Variants in PIP4P2 observed in about 807,000 individuals in gnomAD.
The protein encoded by PIP4P2 is phosphatidylinositol-4,5-bisphosphate 4-phosphatase 2.
Under a neutral mutation model 33.3 loss-of-function variants are expected in PIP4P2, and 19 were observed. The observed-to-expected ratio is 0.57, with a 90% CI of 0.40 to 0.84. The LOEUF is 0.84. PIP4P2 is among the 40% of genes least tolerant of loss of function. PIP4P2 has a pLI of 0.00. For missense variants in PIP4P2, 270 were observed against 324.7 expected (o/e 0.83, Z 1.29); for synonymous variants, 110 against 111.9 (o/e 0.98, Z 0.11).
intron 5 of PIP4P2, among the ~76,000 whole-genome samples, chr8:91,007,134 G>A (rs1055447784): frequency 6.6e-6 from 1 of 152,090 alleles, no homozygotes; most frequent in African/African-American, 2.4e-5. Flanking sequence ...TTTGGAGGGG[G>A]GAGTATAGGT....
At chr8:91,039,819 C>A (rs1183843489) in intron 1 of PIP4P2, among the ~76,000 whole-genome samples, 1 of 151,918 alleles carries the variant, frequency 6.6e-6, no homozygotes, top group African/African-American at 2.4e-5. Flanking sequence ...TTAAATAAAT[C>A]GAATAGTATG....
chr8:91,016,303 A>G (rs1318624106), intron 4 of PIP4P2, among the ~76,000 whole-genome samples: 1 of 152,176 alleles, frequency 6.6e-6, no homozygotes, highest in Non-Finnish European at 1.5e-5. Flanking sequence ...AAACAAAATT[A>G]AAAACCAAAA....
chr8:91,014,958 G>A (rs1811894109), intron 4 of PIP4P2, among the ~76,000 whole-genome samples: 1 of 152,004 alleles, frequency 6.6e-6, no homozygotes, highest in South Asian at 2.1e-4. Flanking sequence ...AGTATTGATT[G>A]CAAATTCTCA....
intron 4 of PIP4P2, among the ~76,000 whole-genome samples, chr8:91,009,258 C>T (rs909173348): frequency 6.6e-6 from 1 of 151,932 alleles, no homozygotes; most frequent in African/African-American, 2.4e-5. Flanking sequence ...ACTAAAAAGT[C>T]GGGAACTGTT....
chr8:91,016,933 A>C lies in PIP4P2; in HGVS notation c.486+1457T>G, dbSNP rs538789924. ...GAGGGGGCAATTATTTGTAAGTCCA[A>C]GAAAATGTTAAAATGCATGCACAAG... On this transcript the variant is annotated intron_variant, in intron 4 of 6. Transcript: ENST00000285419. Among the ~76,000 whole-genome samples, 11 of 152,344 alleles carry C rather than the reference A, an allele frequency of 7.2e-5. No homozygotes were observed. In the South Asian group the frequency reaches 2.3e-3, roughly 32 times the overall value.
chr8:91,016,219 T>C (rs1025585957), intron 4 of PIP4P2, among the ~76,000 whole-genome samples: 4 of 152,096 alleles, frequency 2.6e-5, no homozygotes, highest in Admixed American at 6.5e-5. Context: ...AAAAATTAAG[T>C]TAGATCATCT....
chr8:91,038,393 C>T (rs879540874), intron 1 of PIP4P2, among the ~76,000 whole-genome samples: 5 of 152,140 alleles, frequency 3.3e-5, no homozygotes, highest in Non-Finnish European at 7.4e-5. Flanking sequence ...AATTCATTAT[C>T]AGAAAGTGCA....
chr8:91,033,363 T>C (rs760847298), intron 1 of PIP4P2, among the ~76,000 whole-genome samples: 46 of 152,200 alleles, frequency 3.0e-4, no homozygotes, highest in Non-Finnish European at 3.7e-4. Flanking sequence ...ACCTACTTAG[T>C]TGGGTCATTT....
chr8:91,004,220 G>C (rs1482316592), intron 5 of PIP4P2, among the ~76,000 whole-genome samples: 1 of 152,242 alleles, frequency 6.6e-6, no homozygotes, highest in East Asian at 1.9e-4. Flanking sequence ...ACTGGTGTAC[G>C]TCCCAGAGTC....
intron 5 of PIP4P2, among the ~76,000 whole-genome samples, chr8:91,008,113 A>G (rs759608559): frequency 3.3e-5 from 5 of 152,178 alleles, no homozygotes; most frequent in Admixed American, 6.5e-5. Flanking sequence ...GTACAACTAT[A>G]TATTAATTTC....
chr8:91,003,861 A>C (rs79659574), intron 5 of PIP4P2, among the ~76,000 whole-genome samples: 2 of 152,038 alleles, frequency 1.3e-5, no homozygotes, highest in Non-Finnish European at 1.5e-5. Context: ...CCCAGGAGAA[A>C]GCAGTATCTG....
At chr8:91,033,868 CTCCTGGGCTCAAGA>C (rs1176774072) in intron 1 of PIP4P2, among the ~76,000 whole-genome samples, 2 of 152,326 alleles carry the variant, frequency 1.3e-5, no homozygotes, top group African/African-American at 4.8e-5. Context: ...CAGCCTCAAG[CTCCTGGGCTCAAGA>C]GATCCTCCAG....
At chr8:91,019,649 T>C (rs997158969) in intron 3 of PIP4P2, among the ~76,000 whole-genome samples, 2 of 150,926 alleles carry the variant, frequency 1.3e-5, no homozygotes, top group Admixed American at 1.3e-4. Flanking sequence ...TCATAGCTCA[T>C]TGAAGGCTTT....
chr8:91,029,541 T>C (rs1812130105), intron 1 of PIP4P2, among the ~76,000 whole-genome samples: 1 of 152,212 alleles, frequency 6.6e-6, no homozygotes, highest in Non-Finnish European at 1.5e-5. Context: ...CATGACATCC[T>C]TCCTTATTTT....
chr8:91,032,607 C>T (rs548028739), intron 1 of PIP4P2, among the ~76,000 whole-genome samples: 3 of 151,950 alleles, frequency 2.0e-5, no homozygotes, highest in African/African-American at 7.2e-5. Flanking sequence ...ATGGTGAAAC[C>T]CCACCTCTCC....
intron 5 of PIP4P2, among the ~76,000 whole-genome samples, chr8:90,997,205 C>T (rs1278276017): frequency 1.3e-5 from 2 of 151,992 alleles, no homozygotes; most frequent in Non-Finnish European, 2.9e-5. Context: ...ATCCCAATAT[C>T]ATAAAATAGT....
At chr8:90,997,772 C>A (rs1297946593) in intron 5 of PIP4P2, among the ~76,000 whole-genome samples, 1 of 152,090 alleles carries the variant, frequency 6.6e-6, no homozygotes, top group Admixed American at 6.6e-5. Context: ...ATAATAACCT[C>A]TCAAAGAATG....
intron 4 of PIP4P2, among the ~76,000 whole-genome samples, chr8:91,011,063 T>TAGATAGAC (rs780966179): frequency 9.5e-5 from 12 of 125,974 alleles, no homozygotes; most frequent in African/African-American, 2.6e-4. Flanking sequence ...GATAGATAGA[T>TAGATAGAC]AGACAGATAG....
chr8:90,999,147 C>T (rs1386511369), intron 5 of PIP4P2, among the ~76,000 whole-genome samples: 3 of 151,850 alleles, frequency 2.0e-5, no homozygotes, highest in Admixed American at 6.6e-5. Context: ...ATGCAGCCAA[C>T]AATTCTATGA....
Sources: allele counts gnomAD v4.1 joint callset (sites outside exome capture counted in the v4.1 genomes callset), GRCh38; gene constraint gnomAD v4.1.1; transcripts MANE v1.5; gene names NCBI Gene and HGNC (gene_info 2026-07-23, HGNC 2026-07-21).